SWAP70: variants seen among roughly 807,000 people sequenced by gnomAD.
SWAP70 encodes the protein switch-associated protein 70.
SWAP70 carries 34 observed loss-of-function variants against 80.2 expected under a neutral mutation model. The ratio of observed to expected loss-of-function variants is 0.42; its 90% CI spans 0.32 to 0.56. The LOEUF is 0.56. Ranked by LOEUF, SWAP70 falls within the 20% of genes least tolerant of loss-of-function variation. The pLI is 0.09. For synonymous variants in SWAP70, 239 were observed against 238.5 expected (o/e 1.00, Z -0.02); for missense variants, 578 against 690.7 (o/e 0.84, Z 1.83).
intron 9 of SWAP70, among the ~76,000 whole-genome samples, chr11:9,746,458 A>G (rs991108433): frequency 6.6e-6 from 1 of 152,204 alleles, no homozygotes; most frequent in Non-Finnish European, 1.5e-5. Context: ...TAAAAAATAC[A>G]CATCAACTGA....
At chr11:9,734,868 A>G (rs1378366847) in intron 7 of SWAP70, among the ~76,000 whole-genome samples, 2 of 152,082 alleles carry the variant, frequency 1.3e-5, no homozygotes, top group Non-Finnish European at 2.9e-5. Context: ...CAAGCAATCC[A>G]CCCACTTCAG....
At chr11:9,676,565 A>G (rs931591387) in intron 1 of SWAP70, among the ~76,000 whole-genome samples, 2 of 152,062 alleles carry the variant, frequency 1.3e-5, no homozygotes, top group Admixed American at 6.6e-5. Context: ...TGCAATATAA[A>G]TGCTGTGTAA....
chr11:9,735,719 C>T (rs934485757), intron 7 of SWAP70, among the ~76,000 whole-genome samples: 1 of 152,232 alleles, frequency 6.6e-6, no homozygotes, highest in Non-Finnish European at 1.5e-5. Context: ...CTAGTCAGAA[C>T]TTTCTGATGA....
chr11:9,729,168 G>A (rs983603070), intron 5 of SWAP70, among the ~76,000 whole-genome samples, 175 bp from the exon 6 acceptor site: 2 of 152,076 alleles, frequency 1.3e-5, no homozygotes, highest in Non-Finnish European at 2.9e-5. Context: ...ATACCAACTG[G>A]GGTCATTTTT....
At chr11:9,724,614 GT>G in intron 3 of SWAP70, 43 bp from the exon 4 acceptor site, 5 of 1,468,692 alleles carry the variant, frequency 3.4e-6, no homozygotes, top group South Asian at 2.5e-5. Flanking sequence ...CTATGTTAAA[GT>G]TTTTTTTAAC....
At chr11:9,724,255 A>G (rs1456542853) in intron 3 of SWAP70, among the ~76,000 whole-genome samples, 2 of 152,232 alleles carry the variant, frequency 1.3e-5, no homozygotes, top group African/African-American at 2.4e-5. Context: ...AAATTGATCA[A>G]TAACTTGTAC....
chr11:9,677,574 A>G (rs1212111677), intron 1 of SWAP70, among the ~76,000 whole-genome samples: 4 of 152,128 alleles, frequency 2.6e-5, no homozygotes, highest in Non-Finnish European at 5.9e-5. Flanking sequence ...CTTATTGTTT[A>G]GTAAATGTTT....
At chr11:9,680,575 C>T (rs1482003270) in intron 1 of SWAP70, among the ~76,000 whole-genome samples, 1 of 152,068 alleles carries the variant, frequency 6.6e-6, no homozygotes, top group Non-Finnish European at 1.5e-5. Context: ...GCTACCACGC[C>T]TGGATAATTT....
At position 9,664,139 on chromosome 11, in the gene SWAP70, G is replaced by C. The variant is rs918669051; in HGVS notation, c.-41G>C. The C allele has an allele frequency of 2.0e-6, 3 of 1,529,840 alleles. No individual in the cohort carries two copies. The highest frequency in any genetic ancestry group is 2.6e-6 in the Non-Finnish European group (3 of 1,138,312). 94.8% of individuals were successfully genotyped at this position (1,529,840 alleles called of 1,614,324 possible). A position where few individuals can be genotyped will look rare whatever the true frequency, so the allele number is the denominator to read the frequency against. On this transcript the variant is annotated 5_prime_UTR_variant, in exon 1 of 12. Transcript: ENST00000318950. ...GGGGCGTCCGAGGCGCGGAGGGGCT[G>C]GCTGGGCAGGAGGGGTTGGCGGGGC...
intron 6 of SWAP70, among the ~76,000 whole-genome samples, chr11:9,732,186 G>A (rs910023552): frequency 2.0e-5 from 3 of 152,188 alleles, no homozygotes; most frequent in African/African-American, 7.2e-5. Context: ...ATTGTCATTA[G>A]TTCTTAAAAA....
At chr11:9,723,708 A>G (rs1348892559) in intron 3 of SWAP70, among the ~76,000 whole-genome samples, 2 of 151,692 alleles carry the variant, frequency 1.3e-5, no homozygotes, top group Non-Finnish European at 2.9e-5. Flanking sequence ...AGAGGTATCA[A>G]TTCTCATTCA....
At chr11:9,684,379 C>G (rs546257854) in intron 1 of SWAP70, among the ~76,000 whole-genome samples, 2 of 152,186 alleles carry the variant, frequency 1.3e-5, no homozygotes, top group African/African-American at 4.8e-5. Context: ...TGCGTCCAGC[C>G]AGATTTGTGG....
At chr11:9,683,348 C>T (rs568809433) in intron 1 of SWAP70, among the ~76,000 whole-genome samples, 6 of 151,456 alleles carry the variant, frequency 4.0e-5, no homozygotes, top group African/African-American at 1.2e-4. Context: ...CCCAGGAGGT[C>T]GAGCCTGTGG....
chr11:9,714,635 A>G (rs1396638880), intron 3 of SWAP70, among the ~76,000 whole-genome samples: 3 of 152,218 alleles, frequency 2.0e-5, no homozygotes, highest in African/African-American at 7.2e-5. Context: ...TTTGGCCAAT[A>G]GTGAAGGCAG....
Position 9,738,283 on chromosome 11 carries a change from A to T in SWAP70, c.1151A>T (p.Gln384Leu), listed in dbSNP as rs1252908613. The change falls in exon 8 of 12, where the codon CAG becomes CTG. Residue 384 changes from glutamine (Q) to leucine (L), a missense_variant. Physicochemically the swap from Gln to Leu is moderately radical, Grantham distance 113. Transcript: ENST00000318950. ...KKRLQTQVEL[Q>L]ARFSTELERE... ...CGCCTTCAGACTCAAGTGGAACTTCAGGCCAGGTTCAGCACAGAGCTGGAA... is the reference window on the plus strand; with the variant it reads ...CGCCTTCAGACTCAAGTGGAACTTCTGGCCAGGTTCAGCACAGAGCTGGAA... 1 of 1,611,068 alleles carries T rather than the reference A, an allele frequency of 6.2e-7. No homozygotes were observed. The highest frequency in any genetic ancestry group is 1.7e-5 in the Admixed American group (1 of 59,626).
At chr11:9,730,350 C>T (rs1373586570) in intron 6 of SWAP70, among the ~76,000 whole-genome samples, 1 of 143,874 alleles carries the variant, frequency 7.0e-6, no homozygotes, top group African/African-American at 2.6e-5. Flanking sequence ...AAAAAAAGAA[C>T]ATGTATTTTA....
Position 9,723,970 on chromosome 11 carries a change from C to T in SWAP70, c.415-688C>T, listed in dbSNP as rs138925557. On this transcript the variant is annotated intron_variant, in intron 3 of 11. Coordinates refer to ENST00000318950, the MANE Select transcript of SWAP70 (RefSeq NM_015055.4). ...TGTATTTTTAGTAGAGACAGGGTTT[C>T]GCCATGTTGGCCAGGCTGGTCTTGA... is the stretch of plus-strand genomic sequence containing the variant. 1.2e-3 allele frequency among the ~76,000 whole-genome samples: 183 copies of T among 152,206 alleles called. No individual in the cohort carries two copies. In the East Asian group the frequency reaches 0.027, roughly 23 times the overall value.
chr11:9,727,422 A>C (rs985105728), intron 4 of SWAP70, among the ~76,000 whole-genome samples: 2 of 152,104 alleles, frequency 1.3e-5, no homozygotes, highest in African/African-American at 2.4e-5. Context: ...ATGAAGTCTC[A>C]CTATGTTGCC....
Position 9,724,763 on chromosome 11 carries a change from T to A in SWAP70, c.520T>A (p.Ser174Thr). Residue 174 changes from serine to threonine, a missense_variant, in exon 4 of 12, where the codon TCT (serine) becomes ACT (threonine). Physicochemically the swap from Ser to Thr is moderately conservative, Grantham distance 58. Coordinates refer to ENST00000318950, the MANE Select transcript of SWAP70 (RefSeq NM_015055.4). ...CTTTGATGACAGTAAAAATGGCCTT[T>A]CTGCATGGGAACTTATTGAGCTTAT... ...INFDDSKNGL[S>T]AWELIELIGN... is the part of the protein sequence containing the mutation. The A allele has an allele frequency of 6.2e-7, 1 of 1,614,192 alleles. No homozygotes were observed. Among genetic ancestry groups the A allele is most frequent in the Non-Finnish European group, 8.5e-7 (1 of 1,180,020 alleles).
Sources: allele counts gnomAD v4.1 joint callset (sites outside exome capture counted in the v4.1 genomes callset), GRCh38; gene constraint gnomAD v4.1.1; transcripts MANE v1.5; gene names NCBI Gene and HGNC (gene_info 2026-07-23, HGNC 2026-07-21).